Variants in MPRIP observed in about 807,000 individuals in gnomAD.
The protein encoded by MPRIP is myosin phosphatase Rho-interacting protein.
A neutral mutation model predicts 234.9 loss-of-function variants in MPRIP; 59 were observed. The ratio of observed to expected loss-of-function variants is 0.25; its 90% CI spans 0.20 to 0.31. The LOEUF (loss-of-function observed/expected upper bound fraction) is 0.31, where lower values mean the gene tolerates loss of function less well. Among genes scored for constraint, MPRIP ranks in the 10% least tolerant of loss-of-function variants. MPRIP has a pLI of 1.00. For missense variants in MPRIP, 2,436 were observed against 3,071.0 expected (o/e 0.79, Z 4.89); for synonymous variants, 1,144 against 1,263.9 (o/e 0.91, Z 2.01).
intron 3 of MPRIP, among the ~76,000 whole-genome samples, chr17:17,081,277 T>C (rs1597771693): frequency 6.6e-6 from 1 of 152,246 alleles, no homozygotes; most frequent in African/African-American, 2.4e-5. Context: ...ATTCTTGGTG[T>C]GTCTCCCCAT....
rs200172645 is a variant in MPRIP at position 17,142,610 on chromosome 17, C to T, written c.1251-17C>T. The T allele has an allele frequency of 1.4e-4, 221 of 1,610,082 alleles. No individual in the cohort carries two copies. The highest frequency in any genetic ancestry group is 7.0e-4 in the Admixed American group (42 of 59,948). On this transcript the variant is annotated splice_polypyrimidine_tract_variant and intron_variant, in intron 7 of 23. Transcript: ENST00000651222. ...TCACCTCACTGCCACCTCAGGGCCTCGTGTCCTCTCTTGCAGGAGGTCCCA... is the reference window on the plus strand; with the variant it reads ...TCACCTCACTGCCACCTCAGGGCCTTGTGTCCTCTCTTGCAGGAGGTCCCA...
chr17:17,052,032 C>T (rs2088558741), intron 1 of MPRIP, among the ~76,000 whole-genome samples: 1 of 152,266 alleles, frequency 6.6e-6, no homozygotes, highest in African/African-American at 2.4e-5. Context: ...ACACAGACCT[C>T]AGCAGGCAAG....
intron 3 of MPRIP, among the ~76,000 whole-genome samples, chr17:17,115,382 A>G (rs2090263485): frequency 6.6e-6 from 1 of 152,160 alleles, no homozygotes; most frequent in Non-Finnish European, 1.5e-5. Context: ...CTGAGTTTCC[A>G]CGTCCAGACG....
Position 17,164,534 on chromosome 17 carries a change from G to A in MPRIP, c.2943G>A (p.Ala981=), listed in dbSNP as rs1026107993. 20 of 1,208,656 alleles carry A rather than the reference G, an allele frequency of 1.7e-5. No individual in the cohort carries two copies. Among genetic ancestry groups the A allele is most frequent in the Admixed American group, 3.6e-5 (1 of 28,058 alleles). The allele number at this position is 1,208,656 out of a possible 1,614,324, so 74.9% of individuals were successfully genotyped here. The part of the protein sequence containing the change: ...QELRGLETQQ[A]LQRDRQKEVQ... Reference sequence around the variant, plus strand: ...TACGGGGCCTGGAGACACAGCAGGCGCTGCAGCGGGACCGGCAGAAGGAGG... The same window carrying A: ...TACGGGGCCTGGAGACACAGCAGGCACTGCAGCGGGACCGGCAGAAGGAGG... Residue 981 remains alanine, a synonymous_variant, in exon 16 of 24, where the codon GCG becomes GCA. Coordinates refer to ENST00000651222, the MANE Select transcript of MPRIP (RefSeq NM_001364716.4).
At chr17:17,093,447 G>A (rs745685503) in intron 3 of MPRIP, among the ~76,000 whole-genome samples, 1 of 152,192 alleles carries the variant, frequency 6.6e-6, no homozygotes, top group African/African-American at 2.4e-5. Context: ...ATTCTCATTG[G>A]TGTGATAGTG....
intron 4 of MPRIP, among the ~76,000 whole-genome samples, chr17:17,127,237 C>T (rs1004394779): frequency 2.0e-5 from 3 of 152,228 alleles, no homozygotes; most frequent in African/African-American, 7.2e-5. Context: ...TGCTGGGCTC[C>T]ACCACCTATG....
chr17:17,188,182 G>C lies in MPRIP; in HGVS notation c.*3288G>C, dbSNP rs760552950. The stretch of plus-strand genomic sequence containing the variant: ...GCTGTCCACAGCCTCCCGGGTCTGA[G>C]TGGATCATTGGGCAGGGGTGGAGAC... On this transcript the variant is annotated 3_prime_UTR_variant, in exon 24 of 24. Coordinates refer to ENST00000651222, the MANE Select transcript of MPRIP (RefSeq NM_001364716.4). 1 of 152,268 alleles carries C rather than the reference G, an allele frequency of 6.6e-6. No individual in the cohort carries two copies. The highest frequency in any genetic ancestry group is 1.5e-5 in the Non-Finnish European group (1 of 68,068). The allele number at this position is 152,268 out of a possible 1,614,324, so 9.4% of individuals were successfully genotyped here.
chr17:17,180,289 T>C (rs2046345979), intron 23 of MPRIP: 1 of 605,974 alleles, frequency 1.7e-6, no homozygotes, highest in Non-Finnish European at 2.9e-6. Context: ...CTCCTGGCAA[T>C]GACACTGACA....
chr17:17,054,168 A>C (rs117499140), intron 1 of MPRIP, among the ~76,000 whole-genome samples: 3 of 152,246 alleles, frequency 2.0e-5, no homozygotes, highest in Non-Finnish European at 4.4e-5. Context: ...ATCATTATCT[A>C]TACAAGTTTT....
intron 3 of MPRIP, among the ~76,000 whole-genome samples, chr17:17,124,730 G>A (rs2090458192): frequency 6.6e-6 from 1 of 152,196 alleles, no homozygotes; most frequent in Non-Finnish European, 1.5e-5. Context: ...TAGGGAGGTG[G>A]AGGTGGGGTG....
chr17:17,176,409 T>A lies in MPRIP; in HGVS notation c.6871-17T>A. The A allele has an allele frequency of 1.2e-6, 2 of 1,600,268 alleles. No homozygotes were observed. Among genetic ancestry groups the A allele is most frequent in the Non-Finnish European group, 1.7e-6 (2 of 1,167,430 alleles). On this transcript the variant is annotated splice_polypyrimidine_tract_variant and intron_variant, in intron 20 of 23. Transcript: ENST00000651222. ...TTTGCTCCTGAATATTGGTCCCTGA[T>A]CTCTCTGTCATTTTAGGTCTTATTG...
chr17:17,176,383 C>T (rs369616903), intron 20 of MPRIP, 43 bp from the exon 21 acceptor site: 198 of 1,500,936 alleles, frequency 1.3e-4, no homozygotes, highest in Non-Finnish European at 1.8e-4. Flanking sequence ...CTGGAGGTTT[C>T]TTTGCTCCTG....
At chr17:17,114,360 A>G (rs1243943761) in intron 3 of MPRIP, among the ~76,000 whole-genome samples, 1 of 151,914 alleles carries the variant, frequency 6.6e-6, no homozygotes, top group Non-Finnish European at 1.5e-5. Context: ...TCCCTTCCCT[A>G]GGTTGCCTTT....
chr17:17,062,903 G>A (rs1174464788), intron 1 of MPRIP, among the ~76,000 whole-genome samples: 3 of 152,234 alleles, frequency 2.0e-5, no homozygotes, highest in Non-Finnish European at 4.4e-5. Context: ...GCATGTGGCC[G>A]TGTGCTGCTG....
chr17:17,164,390 G>A lies in MPRIP; in HGVS notation c.2799G>A (p.Arg933=). Reference sequence around the variant, plus strand: ...GCGACCTGAAGCGGGAGCAGGGCCGGGTCCGCGAGCAGCTGGAGGAGCGGC... The same window carrying A: ...GCGACCTGAAGCGGGAGCAGGGCCGAGTCCGCGAGCAGCTGGAGGAGCGGC... ...LKGDLKREQG[R]VREQLEERQH... is the part of the protein sequence containing the mutation. Residue 933 remains arginine (R), a synonymous_variant, in exon 16 of 24, where the codon CGG becomes CGA. Coordinates refer to ENST00000651222, the MANE Select transcript of MPRIP (RefSeq NM_001364716.4). The A allele has an allele frequency of 1.5e-6, 2 of 1,290,514 alleles. No individual in the cohort carries two copies. Among genetic ancestry groups the A allele is most frequent in the Non-Finnish European group, 2.0e-6 (2 of 985,726 alleles). The allele number at this position is 1,290,514 out of a possible 1,614,324, so 79.9% of individuals were successfully genotyped here.
At chr17:17,056,077 A>G (rs1035131921) in intron 1 of MPRIP, among the ~76,000 whole-genome samples, 10 of 152,274 alleles carry the variant, frequency 6.6e-5, no homozygotes, top group Admixed American at 3.3e-4. Context: ...GAGACCATCA[A>G]TGTCTGGCTG....
chr17:17,173,443 G>T (rs1303148910), intron 18 of MPRIP, among the ~76,000 whole-genome samples: 1 of 152,210 alleles, frequency 6.6e-6, no homozygotes, highest in Non-Finnish European at 1.5e-5. Flanking sequence ...TCAGAGCAGG[G>T]TGGCCCACCT....
intron 21 of MPRIP, 78 bp from the exon 22 acceptor site, chr17:17,177,172 C>T: frequency 1.4e-6 from 2 of 1,417,410 alleles, no homozygotes; most frequent in South Asian, 1.2e-5. Context: ...CGTGTTCAGT[C>T]CCCAGGAAGA....
chr17:17,186,320 A>AG lies in MPRIP; in HGVS notation c.*1428dup, dbSNP rs1272795350. 6.6e-6 allele frequency: 1 copy of AG among 152,200 alleles called. No homozygotes were observed. The highest frequency in any genetic ancestry group is 2.4e-5 in the African/African-American group (1 of 41,450). The allele number at this position is 152,200 out of a possible 1,614,324, so 9.4% of individuals were successfully genotyped here. ...CAGTTTCTAGATGAAGTCATGAGCA[A>AG]GGCCATCAGTGGAGCTCTGGCCCCG... is the stretch of plus-strand genomic sequence containing the variant. On this transcript the variant is annotated 3_prime_UTR_variant, in exon 24 of 24. Transcript: ENST00000651222.
Sources: allele counts gnomAD v4.1 joint callset (sites outside exome capture counted in the v4.1 genomes callset), GRCh38; gene constraint gnomAD v4.1.1; transcripts MANE v1.5; gene names NCBI Gene and HGNC (gene_info 2026-07-23, HGNC 2026-07-21).